Variants in CPPED1 observed in about 807,000 individuals in gnomAD.
CPPED1 encodes the protein serine/threonine-protein phosphatase CPPED1.
A neutral mutation model predicts 28.0 loss-of-function variants in CPPED1; 28 were observed. The ratio of observed to expected loss-of-function variants is 1.00; its 90% CI spans 0.74 to 1.37. The LOEUF is 1.37. Ranked by LOEUF, CPPED1 falls within the 40% of genes most tolerant of loss-of-function variation. The pLI, the probability that CPPED1 is intolerant of heterozygous loss-of-function variation, is 0.00. For synonymous variants in CPPED1, 198 were observed against 180.2 expected (o/e 1.10, Z -0.79); for missense variants, 504 against 416.5 (o/e 1.21, Z -1.83).
intron 2 of CPPED1, among the ~76,000 whole-genome samples, chr16:12,768,314 T>C (rs1347890715): frequency 6.6e-6 from 1 of 152,232 alleles, no homozygotes; most frequent in Non-Finnish European, 1.5e-5. Flanking sequence ...GGCTCTCTGT[T>C]TTCACTTTTT....
intron 2 of CPPED1, among the ~76,000 whole-genome samples, chr16:12,706,462 TCC>T (rs1443124908): frequency 1.5e-5 from 2 of 137,060 alleles, no homozygotes; most frequent in African/African-American, 5.6e-5. Flanking sequence ...CTCTCTCCCT[TCC>T]TTCCTTCCTT....
intron 2 of CPPED1, among the ~76,000 whole-genome samples, chr16:12,710,292 G>A (rs1015169293): frequency 5.9e-5 from 9 of 152,152 alleles, no homozygotes; most frequent in Non-Finnish European, 1.0e-4. Flanking sequence ...AATCCTCATT[G>A]TACTGGTTAC....
chr16:12,799,909 T>C (rs955873795), intron 1 of CPPED1, among the ~76,000 whole-genome samples: 11 of 152,140 alleles, frequency 7.2e-5, no homozygotes, highest in Admixed American at 5.9e-4. Context: ...CTAAGAAAAG[T>C]TCAGAGTCAC....
At chr16:12,742,938 C>A (rs2080264350) in intron 2 of CPPED1, among the ~76,000 whole-genome samples, 1 of 152,194 alleles carries the variant, frequency 6.6e-6, no homozygotes, top group African/African-American at 2.4e-5. Context: ...TGCAGTCACA[C>A]AGGATGTGCT....
chr16:12,705,620 T>C (rs113434470), intron 2 of CPPED1, among the ~76,000 whole-genome samples: 85 of 152,226 alleles, frequency 5.6e-4, no homozygotes, highest in Middle Eastern at 3.4e-3. Flanking sequence ...TAGCTGGGCA[T>C]GGGCACGGGC....
intron 1 of CPPED1, among the ~76,000 whole-genome samples, chr16:12,782,386 G>A (rs529231404): frequency 2.6e-5 from 4 of 152,214 alleles, no homozygotes; most frequent in South Asian, 4.2e-4. Flanking sequence ...CAATGCCAGA[G>A]CCAGATCTGG....
At chr16:12,758,706 G>C (rs936119953) in intron 2 of CPPED1, among the ~76,000 whole-genome samples, 2 of 152,182 alleles carry the variant, frequency 1.3e-5, no homozygotes, top group Admixed American at 1.3e-4. Context: ...CCAAAGCACT[G>C]TGTTAATAAA....
At chr16:12,782,591 G>A (rs2080538972) in intron 1 of CPPED1, among the ~76,000 whole-genome samples, 1 of 149,096 alleles carries the variant, frequency 6.7e-6, no homozygotes, top group Non-Finnish European at 1.5e-5. Context: ...CAGGTACAGT[G>A]GTTCATGCCT....
intron 2 of CPPED1, among the ~76,000 whole-genome samples, chr16:12,777,618 T>G (rs555297085): frequency 6.6e-6 from 1 of 152,348 alleles, no homozygotes; most frequent in East Asian, 1.9e-4. Context: ...ATGGACTTTG[T>G]GTGAAACAAA....
At chr16:12,707,522 A>G (rs1312007998) in intron 2 of CPPED1, among the ~76,000 whole-genome samples, 1 of 152,076 alleles carries the variant, frequency 6.6e-6, no homozygotes, top group Non-Finnish European at 1.5e-5. Context: ...TTTATAATAC[A>G]CTGGGGTGCA....
intron 3 of CPPED1, among the ~76,000 whole-genome samples, chr16:12,681,135 C>A (rs538752641): frequency 8.6e-5 from 13 of 150,854 alleles, no homozygotes; most frequent in African/African-American, 2.2e-4. Context: ...CGTTTCCCCC[C>A]GTAAAGAATA....
intron 2 of CPPED1, among the ~76,000 whole-genome samples, chr16:12,779,673 G>A (rs1400902639): frequency 1.3e-5 from 2 of 151,994 alleles, no homozygotes; most frequent in African/African-American, 2.4e-5. Flanking sequence ...CACCGCGCCC[G>A]GCCATTCTCA....
chr16:12,738,189 G>A (rs1343270827), intron 2 of CPPED1, among the ~76,000 whole-genome samples: 1 of 152,062 alleles, frequency 6.6e-6, no homozygotes, highest in Admixed American at 6.6e-5. Context: ...TTACGCAGCC[G>A]TTCACAATGA....
At position 12,699,325 on chromosome 16, in the gene CPPED1, G is replaced by T. The variant is rs776647902; in HGVS notation, c.715+5299C>A. Among the ~76,000 whole-genome samples the T allele has an allele frequency of 7.2e-5, 11 of 152,168 alleles. No individual in the cohort carries two copies. The South Asian group carries it at 1.9e-3, about 26-fold the overall frequency. On this transcript the variant is annotated intron_variant, in intron 3 of 3. Transcript: ENST00000381774. Reference sequence around the variant, plus strand: ...TGTACCGGCTATTGACAATGTTTTTGTATCATACAAAGACGGTTTTTCACT... The same window carrying T: ...TGTACCGGCTATTGACAATGTTTTTTTATCATACAAAGACGGTTTTTCACT...
chr16:12,744,090 C>T (rs1320962505), intron 2 of CPPED1, among the ~76,000 whole-genome samples: 1 of 151,812 alleles, frequency 6.6e-6, no homozygotes, highest in Non-Finnish European at 1.5e-5. Context: ...TCCTGGCTAA[C>T]ATGGTGAAAC....
chr16:12,719,419 G>C (rs1391023052), intron 2 of CPPED1, among the ~76,000 whole-genome samples: 2 of 151,570 alleles, frequency 1.3e-5, no homozygotes, highest in African/African-American at 4.8e-5. Context: ...ACAGTATGGA[G>C]GAAACCGCCC....
chr16:12,745,054 G>A (rs1050211647), intron 2 of CPPED1, among the ~76,000 whole-genome samples: 1 of 151,906 alleles, frequency 6.6e-6, no homozygotes, highest in African/African-American at 2.4e-5. Flanking sequence ...CTTAAAGGCA[G>A]TCCAAAAGGA....
At chr16:12,780,621 G>C (rs1295560974) in intron 2 of CPPED1, among the ~76,000 whole-genome samples, 1 of 151,956 alleles carries the variant, frequency 6.6e-6, no homozygotes, top group African/African-American at 2.4e-5. Context: ...AGGCAGATCA[G>C]AGTGATGGAG....
chr16:12,723,013 C>T (rs1027618081), intron 2 of CPPED1, among the ~76,000 whole-genome samples: 6 of 152,204 alleles, frequency 3.9e-5, no homozygotes, highest in Admixed American at 6.5e-5. Context: ...GGGTTATCAG[C>T]GGGGCTCTCT....
Sources: allele counts gnomAD v4.1 joint callset (sites outside exome capture counted in the v4.1 genomes callset), GRCh38; gene constraint gnomAD v4.1.1; transcripts MANE v1.5; gene names NCBI Gene and HGNC (gene_info 2026-07-23, HGNC 2026-07-21).